The following NR3C2 variants were observed in gnomAD, a reference collection of about 807,000 sequenced individuals.
The protein encoded by NR3C2 is nuclear receptor subfamily 3 group C member 2.
NR3C2 carries 15 observed loss-of-function variants against 86.4 expected under a neutral mutation model. The observed-to-expected ratio is 0.17, with a 90% CI of 0.12 to 0.27. The LOEUF (loss-of-function observed/expected upper bound fraction) is 0.27, where lower values mean the gene tolerates loss of function less well. NR3C2 is among the 10% of genes least tolerant of loss of function. The probability of loss-of-function intolerance (pLI) is 1.00; values close to 1 mark genes in which losing one functional copy is unlikely to be tolerated. For missense variants in NR3C2, 960 were observed against 1,195.6 expected (o/e 0.80, Z 2.91); for synonymous variants, 458 against 450.5 (o/e 1.02, Z -0.21).
At chr4:148,117,246 G>T (rs777358789) in intron 7 of NR3C2, among the ~76,000 whole-genome samples, 2 of 152,158 alleles carry the variant, frequency 1.3e-5, no homozygotes, top group Non-Finnish European at 2.9e-5. Context: ...AAAACAAAAG[G>T]CCAAAAGCAA....
chr4:148,441,463 T>C (rs1403770442), intron 1 of NR3C2, among the ~76,000 whole-genome samples: 4 of 152,234 alleles, frequency 2.6e-5, no homozygotes, highest in Admixed American at 6.5e-5. Context: ...TATCAAAAGT[T>C]TTCCTAACTC....
Position 148,145,019 on chromosome 4 carries a change from C to T in NR3C2, c.2510+7450G>A, listed in dbSNP as rs1733799009. 2.0e-5 allele frequency among the ~76,000 whole-genome samples: 3 copies of T among 152,148 alleles called. No homozygotes were observed. In the South Asian group the frequency reaches 6.2e-4, roughly 32 times the overall value. On this transcript the variant is annotated intron_variant, in intron 6 of 8. Coordinates refer to ENST00000358102, the MANE Select transcript of NR3C2 (RefSeq NM_000901.5). Reference sequence around the variant, plus strand: ...GCCACCAGGAATGTCAGGCGACCCTCAGGTCAGGCAGTTGTTATACTGTTT... The same window carrying T: ...GCCACCAGGAATGTCAGGCGACCCTTAGGTCAGGCAGTTGTTATACTGTTT...
intron 2 of NR3C2, among the ~76,000 whole-genome samples, chr4:148,423,630 T>C (rs1469592749): frequency 6.6e-6 from 1 of 152,206 alleles, no homozygotes; most frequent in East Asian, 1.9e-4. Context: ...GTGGGGACAT[T>C]TGGTTTGTTT....
At chr4:148,424,166 T>C (rs1254436677) in intron 2 of NR3C2, among the ~76,000 whole-genome samples, 1 of 152,194 alleles carries the variant, frequency 6.6e-6, no homozygotes, top group African/African-American at 2.4e-5. Flanking sequence ...GGGAGGCATA[T>C]GAATGGCAAA....
chr4:148,363,415 G>T (rs1745940706), intron 2 of NR3C2, among the ~76,000 whole-genome samples: 1 of 150,396 alleles, frequency 6.6e-6, no homozygotes, highest in African/African-American at 2.4e-5. Context: ...ATATATTTAT[G>T]TATCAAAGTC....
chr4:148,380,774 C>A (rs2126442768), intron 2 of NR3C2, among the ~76,000 whole-genome samples: 1 of 152,240 alleles, frequency 6.6e-6, no homozygotes, highest in South Asian at 2.1e-4. Context: ...AGTGCTATAA[C>A]AATGATGAGT....
intron 1 of NR3C2, among the ~76,000 whole-genome samples, chr4:148,437,632 C>T (rs6823133): frequency 0.016 from 2,470 of 152,254 alleles, 57 homozygotes; most frequent in African/African-American, 0.057. Flanking sequence ...GCACCCTGAC[C>T]TGTGCATGGT....
intron 2 of NR3C2, among the ~76,000 whole-genome samples, chr4:148,428,414 C>T (rs926647894): frequency 6.6e-6 from 1 of 152,144 alleles, no homozygotes; most frequent in Non-Finnish European, 1.5e-5. Context: ...CTAGAAAAGA[C>T]TGAGGAACTA....
At chr4:148,297,064 G>T (rs11099686) in intron 2 of NR3C2, among the ~76,000 whole-genome samples, 30,597 of 151,976 alleles carry the variant, frequency 0.2, 3,222 homozygotes, top group Admixed American at 0.28. Flanking sequence ...TGTTGCTGGT[G>T]GCTACTGTAC....
chr4:148,210,856 G>T (rs572140008), intron 3 of NR3C2, among the ~76,000 whole-genome samples: 35 of 152,196 alleles, frequency 2.3e-4, no homozygotes, highest in Non-Finnish European at 4.1e-4. Flanking sequence ...GGGTCATCCT[G>T]TGAAATTAAA....
chr4:148,409,853 A>G (rs1748607950), intron 2 of NR3C2, among the ~76,000 whole-genome samples: 2 of 152,102 alleles, frequency 1.3e-5, no homozygotes, highest in African/African-American at 4.8e-5. Flanking sequence ...ATTTTTCCTT[A>G]GGAATGTAAG....
chr4:148,102,271 T>C (rs1731572669), intron 8 of NR3C2, among the ~76,000 whole-genome samples: 1 of 152,176 alleles, frequency 6.6e-6, no homozygotes, highest in Admixed American at 6.5e-5. Flanking sequence ...GCTGGGCAGT[T>C]CCATCCACTC....
rs1022129761 is a variant in NR3C2, at chr4:148,430,869, A to C, written c.1757+4235T>G. On this transcript the variant is annotated intron_variant, in intron 2 of 8. Coordinates refer to ENST00000358102, the MANE Select transcript of NR3C2 (RefSeq NM_000901.5). ...TTCAGGGGCAATTGAAAAATAAAAG[A>C]ATAAATATAGGTTATTTACTAAACT... Among the ~76,000 whole-genome samples the C allele has an allele frequency of 1.6e-4, 25 of 152,324 alleles. No individual in the cohort carries two copies. The South Asian group carries it at 2.5e-3, about 15-fold the overall frequency.
At chr4:148,150,856 C>A (rs1173881413) in intron 6 of NR3C2, among the ~76,000 whole-genome samples, 2 of 152,166 alleles carry the variant, frequency 1.3e-5, no homozygotes, top group Non-Finnish European at 2.9e-5. Flanking sequence ...AATTCTGATA[C>A]ATACTAAATA....
chr4:148,182,129 A>AGAAGAAGGCGG (rs1437619945), intron 4 of NR3C2, among the ~76,000 whole-genome samples: 1 of 152,252 alleles, frequency 6.6e-6, no homozygotes, highest in East Asian at 1.9e-4. Flanking sequence ...GAGATAGTAA[A>AGAAGAAGGCGG]GAAGAAGGCG....
chr4:148,435,127 T>C lies in NR3C2; in HGVS notation c.1734A>G (p.Glu578=), dbSNP rs1272087049. 2 of 1,614,214 alleles carry C rather than the reference T, an allele frequency of 1.2e-6. No individual in the cohort carries two copies. The change falls in exon 2 of 9, where the codon GAA becomes GAG. Residue 578 remains glutamate (E), a synonymous_variant. Coordinates refer to ENST00000358102, the MANE Select transcript of NR3C2 (RefSeq NM_000901.5). ...SRRSDGYPVL[E]YIPENVSSST... The stretch of plus-strand genomic sequence containing the variant: ...ACCTTGATACATTTTCTGGAATGTA[T>C]TCTAAGACCGGATACCCATCACTTC...
chr4:148,238,842 C>A (rs1203877099), intron 3 of NR3C2, among the ~76,000 whole-genome samples: 1 of 152,146 alleles, frequency 6.6e-6, no homozygotes, highest in East Asian at 1.9e-4. Flanking sequence ...TAAGATAGGG[C>A]AAATTCAGGT....
intron 3 of NR3C2, among the ~76,000 whole-genome samples, chr4:148,255,273 C>T (rs1739777045): frequency 6.6e-6 from 1 of 152,164 alleles, no homozygotes; most frequent in Non-Finnish European, 1.5e-5. Flanking sequence ...CACTACATTT[C>T]CTTAAAAATA....
chr4:148,264,434 T>C (rs1740276371), intron 2 of NR3C2, among the ~76,000 whole-genome samples: 1 of 152,222 alleles, frequency 6.6e-6, no homozygotes, highest in Admixed American at 6.5e-5. Context: ...ACAAAGCATG[T>C]TTAGTGATTT....
Sources: allele counts gnomAD v4.1 joint callset (sites outside exome capture counted in the v4.1 genomes callset), GRCh38; gene constraint gnomAD v4.1.1; transcripts MANE v1.5; gene names NCBI Gene and HGNC (gene_info 2026-07-23, HGNC 2026-07-21).